The following INTS12 variants were observed in gnomAD, a reference collection of about 807,000 sequenced individuals.
INTS12 encodes integrator complex subunit 12, also known as PHD finger protein 22.
INTS12 carries 13 observed loss-of-function variants against 41.6 expected under a neutral mutation model. That is an observed-to-expected ratio of 0.31 (90% confidence interval 0.20 to 0.50). The LOEUF (loss-of-function observed/expected upper bound fraction) is 0.50. Ranked by LOEUF, INTS12 falls within the 20% of genes least tolerant of loss-of-function variation. INTS12 has a pLI of 0.98. For synonymous variants in INTS12, 199 were observed against 191.4 expected (o/e 1.04, Z -0.33); for missense variants, 432 against 541.6 (o/e 0.80, Z 2.01).
chr4:105,683,437 G>T, intron 7 of INTS12, 120 bp from the exon 8 acceptor site: 1 of 781,502 alleles, frequency 1.3e-6, no homozygotes, highest in Non-Finnish European at 2.0e-6. Flanking sequence ...TTATGAAGCT[G>T]ATCTGAAAAA....
intron 6 of INTS12, among the ~76,000 whole-genome samples, chr4:105,687,847 G>T (rs1455651586): frequency 1.3e-5 from 2 of 152,158 alleles, no homozygotes; most frequent in African/African-American, 4.8e-5. Flanking sequence ...CAGCTACTCA[G>T]GAGGTTGAGG....
intron 5 of INTS12, 60 bp downstream of exon 5, chr4:105,693,239 G>A (rs1388650831): frequency 1.5e-6 from 2 of 1,349,514 alleles, no homozygotes; most frequent in South Asian, 1.9e-5. Context: ...GTTGAGGAGT[G>A]GAAAGGGTCA....
chr4:105,694,822 A>G (rs1380170496), intron 4 of INTS12, among the ~76,000 whole-genome samples: 1 of 152,226 alleles, frequency 6.6e-6, no homozygotes, highest in Non-Finnish European at 1.5e-5. Context: ...TCATCTAAAA[A>G]TAGACAATCC....
chr4:105,686,216 T>C (rs933614651), intron 7 of INTS12, among the ~76,000 whole-genome samples: 2 of 152,132 alleles, frequency 1.3e-5, no homozygotes, highest in Non-Finnish European at 2.9e-5. Context: ...ACCGCCACTA[T>C]GCCTGGGAAT....
chr4:105,708,552 C>T (rs1289010172), intron 1 of INTS12, 86 bp downstream of exon 1: 3 of 985,260 alleles, frequency 3.0e-6, no homozygotes, highest in Non-Finnish European at 3.6e-6. Flanking sequence ...ACTAATACCC[C>T]ACGTAGCTAC....
chr4:105,687,410 CTA>C (rs1476406702), intron 6 of INTS12, among the ~76,000 whole-genome samples: 2 of 152,098 alleles, frequency 1.3e-5, no homozygotes, highest in Non-Finnish European at 2.9e-5. Context: ...ATACAAATTT[CTA>C]TGTTATGAAA....
At chr4:105,707,933 A>G (rs1039116297) in intron 1 of INTS12, 1 of 984,908 alleles carries the variant, frequency 1.0e-6, no homozygotes. Context: ...CAATCTCAAA[A>G]GAAGTCCAAA....
chr4:105,690,165 T>C (rs1381424915), intron 6 of INTS12, among the ~76,000 whole-genome samples: 1 of 152,006 alleles, frequency 6.6e-6, no homozygotes, highest in Non-Finnish European at 1.5e-5. Flanking sequence ...TGTGTCAGAG[T>C]GGCCAGAGTG....
chr4:105,703,059 A>AGTTCTATAC (rs1732138655), intron 2 of INTS12: 2 of 977,006 alleles, frequency 2.0e-6, no homozygotes, highest in Non-Finnish European at 2.4e-6. Flanking sequence ...GAGTTACACC[A>AGTTCTATAC]AATCATGTTA....
chr4:105,701,211 AAC>A lies in INTS12; in HGVS notation c.-9-1199_-9-1198del, dbSNP rs1316201264. ...TCATCCTTCTCCACATCTGACAAGA[AAC>A]ACACATACACATCCCTAGGCTTTTT... On this transcript the variant is annotated intron_variant, in intron 2 of 7. Coordinates refer to ENST00000340139, the MANE Select transcript of INTS12 (RefSeq NM_020395.4). Among the ~76,000 whole-genome samples the A allele has an allele frequency of 2.7e-5, 4 of 149,856 alleles. No individual in the cohort carries two copies. The South Asian group carries it at 6.3e-4, about 24-fold the overall frequency.
intron 1 of INTS12, among the ~76,000 whole-genome samples, chr4:105,704,873 A>C (rs1418612526): frequency 6.6e-6 from 1 of 152,072 alleles, no homozygotes; most frequent in East Asian, 1.9e-4. Context: ...CACCCTTTTC[A>C]ATCCTTACTA....
intron 1 of INTS12, chr4:105,708,210 T>C (rs1412112715): frequency 1.0e-6 from 1 of 985,464 alleles, no homozygotes. Context: ...ATCAAGTGGC[T>C]GAAAGCTGAC....
Position 105,702,326 on chromosome 4 carries a change from C to T in INTS12, c.-10+1322G>A, listed in dbSNP as rs1211602202. Among the ~76,000 whole-genome samples the T allele has an allele frequency of 7.9e-5, 12 of 151,664 alleles. 1 individual carries two copies. The highest frequency in any genetic ancestry group is 6.6e-4 in the Admixed American group (10 of 15,228). On this transcript the variant is annotated intron_variant, in intron 2 of 7. Transcript: ENST00000340139. ...AATTTTTTGTATTTTTTAGTACAGA[C>T]GGGGTTTCATCATGTTAGCCAGGAT... is the stretch of plus-strand genomic sequence containing the variant.
chr4:105,687,632 A>G (rs757721714), intron 6 of INTS12, among the ~76,000 whole-genome samples: 2 of 152,208 alleles, frequency 1.3e-5, no homozygotes, highest in Non-Finnish European at 2.9e-5. Context: ...TTTCAGAGTC[A>G]AACACAGTTA....
chr4:105,708,550 C>T (rs1404889119), intron 1 of INTS12, 88 bp downstream of exon 1: 6 of 985,260 alleles, frequency 6.1e-6, no homozygotes, highest in African/African-American at 1.7e-5. Context: ...AAACTAATAC[C>T]CCACGTAGCT....
chr4:105,704,528 T>C (rs1232624468), intron 1 of INTS12, among the ~76,000 whole-genome samples: 1 of 152,240 alleles, frequency 6.6e-6, no homozygotes, highest in Non-Finnish European at 1.5e-5. Context: ...TACTCTAAAG[T>C]TTGGGAATTA....
intron 1 of INTS12, 80 bp downstream of exon 1, chr4:105,708,558 G>C (rs1732389075): frequency 1.0e-6 from 1 of 985,248 alleles, no homozygotes; most frequent in African/African-American, 1.7e-5. Flanking sequence ...ACCCCACGTA[G>C]CTACTCTCCC....
chr4:105,687,069 C>T, intron 6 of INTS12: 1 of 503,484 alleles, frequency 2.0e-6, no homozygotes. Flanking sequence ...AGAAATAATA[C>T]AGAAGAGGGT....
At chr4:105,693,238 T>G in intron 5 of INTS12, 61 bp downstream of exon 5, 2 of 1,330,506 alleles carry the variant, frequency 1.5e-6, no homozygotes, top group South Asian at 2.0e-5. Flanking sequence ...GGTTGAGGAG[T>G]GGAAAGGGTC....
Sources: gnomAD v4.1 joint callset for allele counts (sites outside exome capture counted in the v4.1 genomes callset) on GRCh38, gnomAD v4.1.1 for gene constraint, MANE v1.5 for transcripts, NCBI Gene and HGNC (gene_info 2026-07-23, HGNC 2026-07-21) for gene names.